Variants in SH2D3C observed in about 807,000 individuals in gnomAD.
The protein encoded by SH2D3C is SH2 domain-containing protein 3C.
Under a neutral mutation model 75.2 loss-of-function variants are expected in SH2D3C, and 25 were observed. That is an observed-to-expected ratio of 0.33 (90% CI 0.24 to 0.46). The LOEUF (loss-of-function observed/expected upper bound fraction) is 0.46, where lower values mean the gene tolerates loss of function less well. Ranked by LOEUF, SH2D3C falls within the 20% of genes least tolerant of loss-of-function variation. The probability of loss-of-function intolerance (pLI) is 1.00; values close to 1 mark genes in which losing one functional copy is unlikely to be tolerated. For synonymous variants in SH2D3C, 450 were observed against 473.7 expected, an observed-to-expected ratio of 0.95 and a Z score of 0.65; for missense variants, 933 against 1,165.3, an observed-to-expected ratio of 0.80 and a Z score of 2.90.
chr9:127,778,486 G>C (rs1403178422), intron 1 of SH2D3C, 105 bp downstream of exon 1: 13 of 960,484 alleles, frequency 1.4e-5, no homozygotes, highest in East Asian at 4.8e-5. Context: ...AAAAGAGTGA[G>C]AGAGAGAAAA....
chr9:127,770,942 C>T (rs1255871534), intron 2 of SH2D3C, among the ~76,000 whole-genome samples: 1 of 152,234 alleles, frequency 6.6e-6, no homozygotes. Flanking sequence ...GCAGGCAAAT[C>T]TTTCTTTCCT....
chr9:127,772,540 G>A (rs1193218082), intron 2 of SH2D3C, among the ~76,000 whole-genome samples: 5 of 152,266 alleles, frequency 3.3e-5, no homozygotes, highest in African/African-American at 1.2e-4. Flanking sequence ...GATTACAGGC[G>A]TGAGCCACTG....
chr9:127,742,590 C>A, intron 8 of SH2D3C: 1 of 405,480 alleles, frequency 2.5e-6, no homozygotes, highest in South Asian at 4.0e-5. Context: ...ATGGGCGAGG[C>A]CAGGCTGATG....
At chr9:127,748,852 A>C (rs1238031946) in intron 5 of SH2D3C, among the ~76,000 whole-genome samples, 1 of 152,206 alleles carries the variant, frequency 6.6e-6, no homozygotes, top group East Asian at 1.9e-4. Flanking sequence ...GGGTGGCATC[A>C]GGTGGCGGGG....
chr9:127,746,353 G>A (rs1181889202), intron 6 of SH2D3C, among the ~76,000 whole-genome samples: 1 of 152,168 alleles, frequency 6.6e-6, no homozygotes, highest in Non-Finnish European at 1.5e-5. Flanking sequence ...AATACGGCCT[G>A]TTGAAAACAT....
intron 5 of SH2D3C, among the ~76,000 whole-genome samples, chr9:127,748,020 G>A (rs1163296803): frequency 6.6e-6 from 1 of 152,136 alleles, no homozygotes; most frequent in African/African-American, 2.4e-5. Flanking sequence ...GATGGGAAAG[G>A]GGGTATAGGC....
Position 127,754,775 on chromosome 9 carries a change from C to T in SH2D3C, c.556-3475G>A. On this transcript the variant is annotated intron_variant, in intron 3 of 11. Transcript: ENST00000314830. The surrounding 1 kb of genome is among the most constrained non-coding windows in gnomAD (Gnocchi z 4.4). ...GGAGGACCGGCAGGACGCCGGAGAC[C>T]CCATCTCCCAGTCCCCCCTGCCCCA... The T allele has an allele frequency of 2.1e-6, 1 of 475,774 alleles. No individual in the cohort carries two copies. The allele number at this position is 475,774 out of a possible 1,614,324, so 29.5% of individuals were successfully genotyped here.
intron 3 of SH2D3C, among the ~76,000 whole-genome samples, chr9:127,752,521 G>A (rs1845230144): frequency 6.6e-6 from 1 of 152,064 alleles, no homozygotes; most frequent in African/African-American, 2.4e-5. Flanking sequence ...GTCTCTCCCT[G>A]GGGCCCCTCG....
intron 3 of SH2D3C, among the ~76,000 whole-genome samples, chr9:127,758,255 G>A (rs1436092339): frequency 6.6e-6 from 1 of 152,110 alleles, no homozygotes; most frequent in African/African-American, 2.4e-5. Flanking sequence ...TTACAGGCAT[G>A]AGCCACCGTG....
chr9:127,760,157 A>G (rs938167797), intron 3 of SH2D3C, among the ~76,000 whole-genome samples: 7 of 152,084 alleles, frequency 4.6e-5, no homozygotes, highest in Non-Finnish European at 7.4e-5. Flanking sequence ...AATAAAAATA[A>G]AAGTTGGATC....
At position 127,777,435 on chromosome 9, in the gene SH2D3C, C is replaced by G. The variant is rs1829038191; in HGVS notation, c.37+1156G>C. Among the ~76,000 whole-genome samples, 3 of 151,474 alleles carry G rather than the reference C, an allele frequency of 2.0e-5. No individual in the cohort carries two copies. The South Asian group carries it at 6.3e-4, about 32-fold the overall frequency. Reference sequence around the variant, plus strand: ...TCCCCCTGCCGCCCCAGTAACTCCCCACCTGGGATCCCATGATGCCCCCAT... The same window carrying G: ...TCCCCCTGCCGCCCCAGTAACTCCCGACCTGGGATCCCATGATGCCCCCAT... On this transcript the variant is annotated intron_variant, in intron 1 of 11. Transcript: ENST00000314830.
chr9:127,753,173 A>AGT (rs1845249509), intron 3 of SH2D3C, among the ~76,000 whole-genome samples: 1 of 151,812 alleles, frequency 6.6e-6, no homozygotes, highest in Non-Finnish European at 1.5e-5. Context: ...GGGGTTTGGA[A>AGT]GTGTTGGGGC....
At position 127,747,269 on chromosome 9, in the gene SH2D3C, G is replaced by A. The variant is rs766559784; in HGVS notation, c.1142C>T (p.Thr381Met). ...VTRSDGCPTS[T>M]SLPRPRDSIR... ...GGAGTCCCGAGGGCGGGGCAGCGACGTACTGTGGAGCAGACACCATCATGG... is the reference window on the plus strand; with the variant it reads ...GGAGTCCCGAGGGCGGGGCAGCGACATACTGTGGAGCAGACACCATCATGG... The change falls in exon 6 of 12, where the codon ACG (threonine) becomes ATG (methionine). Residue 381 changes from threonine (T) to methionine (M), a missense_variant and splice_region_variant. Thr to Met is a moderately conservative substitution (Grantham distance 81, BLOSUM62 -1). Transcript: ENST00000314830. 38 of 1,611,808 alleles carry A rather than the reference G, an allele frequency of 2.4e-5. 1 individual carries two copies. In the Admixed American group the frequency reaches 3.7e-4, roughly 16 times the overall value.
At chr9:127,743,297 G>A (rs964481091) in intron 7 of SH2D3C, among the ~76,000 whole-genome samples, 1 of 152,212 alleles carries the variant, frequency 6.6e-6, no homozygotes, top group Non-Finnish European at 1.5e-5. Context: ...GAGGTCAGGA[G>A]TTCGAGACCA....
At chr9:127,741,982 G>A (rs1376486443) in intron 8 of SH2D3C, 23 bp from the exon 9 acceptor site, 3 of 1,589,454 alleles carry the variant, frequency 1.9e-6, no homozygotes, top group Non-Finnish European at 2.6e-6. Flanking sequence ...CGGGGTCAGA[G>A]GCGGCGGGCT....
At chr9:127,770,984 C>T (rs902499588) in intron 2 of SH2D3C, among the ~76,000 whole-genome samples, 4 of 152,186 alleles carry the variant, frequency 2.6e-5, no homozygotes, top group African/African-American at 9.7e-5. Flanking sequence ...AGTAGTACCT[C>T]CCTCCTGGGG....
chr9:127,742,209 GTTTT>G (rs1320008977), intron 8 of SH2D3C, among the ~76,000 whole-genome samples: 1 of 152,152 alleles, frequency 6.6e-6, no homozygotes, highest in Non-Finnish European at 1.5e-5. Context: ...ACGCAGAGTA[GTTTT>G]TTGTTTTGTT....
chr9:127,743,975 C>T (rs1292749148), intron 7 of SH2D3C, among the ~76,000 whole-genome samples: 2 of 152,120 alleles, frequency 1.3e-5, no homozygotes, highest in Non-Finnish European at 2.9e-5. Flanking sequence ...AGAGAAGTGT[C>T]CCCAACTGCC....
chr9:127,764,722 T>C (rs1465946412), intron 2 of SH2D3C, among the ~76,000 whole-genome samples: 1 of 152,182 alleles, frequency 6.6e-6, no homozygotes, highest in African/African-American at 2.4e-5. Flanking sequence ...TTGTTGTTGC[T>C]GTTGAGATGG....
Sources: allele counts gnomAD v4.1 joint callset (sites outside exome capture counted in the v4.1 genomes callset), GRCh38; gene constraint gnomAD v4.1.1; non-coding constraint Gnocchi (gnomAD v3.1); transcripts MANE v1.5; gene names NCBI Gene and HGNC (gene_info 2026-07-23, HGNC 2026-07-21).